RAPH1: variants seen among roughly 807,000 people sequenced by gnomAD.
The protein encoded by RAPH1 is ras-associated and pleckstrin homology domains-containing protein 1.
Under a neutral mutation model 88.1 loss-of-function variants are expected in RAPH1, and 18 were observed. The ratio of observed to expected loss-of-function variants is 0.20; its 90% CI spans 0.14 to 0.30. RAPH1 has a LOEUF of 0.30. RAPH1 is among the 10% of genes least tolerant of loss of function. The pLI, the probability that RAPH1 is intolerant of heterozygous loss-of-function variation, is 1.00. For missense variants in RAPH1, 1,448 were observed against 1,543.2 expected (o/e 0.94, Z 1.03); for synonymous variants, 587 against 559.0 (o/e 1.05, Z -0.71).
At chr2:203,470,773 C>T in intron 4 of RAPH1, among the ~76,000 whole-genome samples, 1 of 152,144 alleles carries the variant, frequency 6.6e-6, no homozygotes, top group East Asian at 1.9e-4. Flanking sequence ...AAAAGCTTAT[C>T]CAAGTATTTC....
chr2:203,531,176 C>T (rs1371034696), intron 1 of RAPH1, among the ~76,000 whole-genome samples: 1 of 151,946 alleles, frequency 6.6e-6, no homozygotes, highest in Non-Finnish European at 1.5e-5. Flanking sequence ...TGGCTACAGC[C>T]TCTTGGATAT....
intron 4 of RAPH1, among the ~76,000 whole-genome samples, chr2:203,483,555 G>C (rs897159075): frequency 6.6e-6 from 1 of 152,180 alleles, no homozygotes; most frequent in Non-Finnish European, 1.5e-5. Context: ...TTAAATTTGA[G>C]CAATCTATTT....
At chr2:203,491,389 G>A (rs999166302) in intron 2 of RAPH1, 70 bp from the exon 3 acceptor site, 23 of 1,075,268 alleles carry the variant, frequency 2.1e-5, no homozygotes, top group African/African-American at 3.2e-5. Flanking sequence ...GATGAAGTTT[G>A]TTTTATGATT....
In RAPH1 at chr2:203,506,837, T is replaced by TATAG. The variant is rs1689073318; in HGVS notation, c.1-11485_1-11484insCTAT. Among the ~76,000 whole-genome samples the TATAG allele has an allele frequency of 9.3e-5, 2 of 21,404 alleles. 1 individual carries two copies. Among genetic ancestry groups the TATAG allele is most frequent in the Non-Finnish European group, 2.1e-4 (2 of 9,346 alleles). 14.0% of individuals were successfully genotyped at this position (21,404 alleles called of 152,430 possible). A position where few individuals can be genotyped will look rare whatever the true frequency, so the allele number is the denominator to read the frequency against. The stretch of plus-strand genomic sequence containing the variant: ...CTATATATCTATATATATATCTATA[T>TATAG]CTATATATCTATCTATATCTATATA... On this transcript the variant is annotated intron_variant, in intron 1 of 13. Transcript: ENST00000319170.
In RAPH1 at chr2:203,489,757, G is replaced by C. The variant is rs1487548461; in HGVS notation, c.559C>G (p.His187Asp). ...EDTKPLVTNQ[H>D]RRTASAGTVS... ...GTGCCTGCTGACGCGGTTCTTCTGT[G>C]CTGATTAGTTACTAAGGGTTTAGTA... Residue 187 changes from histidine to aspartate, a missense_variant, in exon 4 of 14, where the codon CAC becomes GAC. Physicochemically the swap from His to Asp is moderately conservative, Grantham distance 81. Transcript: ENST00000319170. 6.2e-7 allele frequency: 1 copy of C among 1,614,154 alleles called. No individual in the cohort carries two copies. Among genetic ancestry groups the C allele is most frequent in the East Asian group, 2.2e-5 (1 of 44,878 alleles).
chr2:203,480,841 G>C (rs1298632540), intron 4 of RAPH1, among the ~76,000 whole-genome samples: 2 of 152,170 alleles, frequency 1.3e-5, no homozygotes, highest in East Asian at 1.9e-4. Context: ...CCTGGTGCTA[G>C]AGTGCCTGGG....
chr2:203,506,875 T>G lies in RAPH1; in HGVS notation c.1-11522A>C, dbSNP rs369335873. On this transcript the variant is annotated intron_variant, in intron 1 of 13. Coordinates refer to ENST00000319170, the MANE Select transcript of RAPH1 (RefSeq NM_213589.3). ...CTATATCTATATATATATATATATA[T>G]ATATAGATATATATATATATATATT... Among the ~76,000 whole-genome samples, 148 of 99,950 alleles carry G rather than the reference T, an allele frequency of 1.5e-3. 10 individuals carry two copies. The highest frequency in any genetic ancestry group is 7.0e-3 in the East Asian group (30 of 4,312). 65.6% of individuals were successfully genotyped at this position (99,950 alleles called of 152,430 possible). A position where few individuals can be genotyped will look rare whatever the true frequency, so the allele number is the denominator to read the frequency against.
At chr2:203,496,178 G>T (rs897432060) in intron 1 of RAPH1, among the ~76,000 whole-genome samples, 3 of 152,004 alleles carry the variant, frequency 2.0e-5, no homozygotes, top group South Asian at 2.1e-4. Flanking sequence ...GGCCAACATG[G>T]CAAAACCCCG....
chr2:203,520,023 C>T (rs939992380), intron 1 of RAPH1, among the ~76,000 whole-genome samples: 7 of 152,072 alleles, frequency 4.6e-5, no homozygotes, highest in Non-Finnish European at 7.4e-5. Context: ...ATAGTTTCCA[C>T]GGATTAAAAA....
Position 203,455,590 on chromosome 2 carries a change from CAA to C in RAPH1, c.1159-12_1159-11del. On this transcript the variant is annotated splice_polypyrimidine_tract_variant and intron_variant, in intron 8 of 13. Coordinates refer to ENST00000319170, the MANE Select transcript of RAPH1 (RefSeq NM_213589.3). ...TTCCACAAAAACATTCCTAAAATAACAAGATTATTTGCAAAGACTTATGATCG... is the reference window on the plus strand; with the variant it reads ...TTCCACAAAAACATTCCTAAAATAACGATTATTTGCAAAGACTTATGATCG... 6.2e-7 allele frequency: 1 copy of C among 1,610,072 alleles called. No individual in the cohort carries two copies. The highest frequency in any genetic ancestry group is 1.3e-5 in the African/African-American group (1 of 74,842).
Position 203,444,964 on chromosome 2 carries a change from G to A in RAPH1, c.1680C>T (p.Asp560=). The change falls in exon 13 of 14, where the codon GAC becomes GAT. Residue 560 remains aspartate, a synonymous_variant. Coordinates refer to ENST00000319170, the MANE Select transcript of RAPH1 (RefSeq NM_213589.3). ...HSNQSDSGVS[D]TQPAGHVRSQ... ...AACGGACGTGTCCTGCTGGCTGGGT[G>A]TCAGAAACTCCGCTATCAGACTGAT... The A allele has an allele frequency of 6.2e-7, 1 of 1,614,134 alleles. No individual in the cohort carries two copies. Among genetic ancestry groups the A allele is most frequent in the Non-Finnish European group, 8.5e-7 (1 of 1,179,994 alleles).
intron 1 of RAPH1, among the ~76,000 whole-genome samples, chr2:203,502,864 C>T (rs1377884453): frequency 6.8e-6 from 1 of 146,970 alleles, no homozygotes; most frequent in Non-Finnish European, 1.5e-5. Flanking sequence ...GTGAACCAGG[C>T]CGGGCACAGT....
chr2:203,527,571 G>A (rs979835853), intron 1 of RAPH1, among the ~76,000 whole-genome samples: 2 of 151,974 alleles, frequency 1.3e-5, no homozygotes, highest in African/African-American at 4.8e-5. Flanking sequence ...GGCTGAGGTG[G>A]GCGGATCACC....
intron 1 of RAPH1, among the ~76,000 whole-genome samples, chr2:203,529,005 ATTT>A (rs66832810): frequency 7.3e-4 from 30 of 41,130 alleles, no homozygotes; most frequent in East Asian, 1.0e-3. Flanking sequence ...ATATATATAT[ATTT>A]TTTTTTTTTT....
chr2:203,510,391 A>G (rs1331883572), intron 1 of RAPH1, among the ~76,000 whole-genome samples: 1 of 151,442 alleles, frequency 6.6e-6, no homozygotes, highest in Non-Finnish European at 1.5e-5. Flanking sequence ...GGTAATAGGA[A>G]GTAATCCCTT....
intron 4 of RAPH1, among the ~76,000 whole-genome samples, chr2:203,466,433 G>A (rs1012317639): frequency 6.6e-6 from 1 of 152,166 alleles, no homozygotes; most frequent in African/African-American, 2.4e-5. Context: ...CTCATGGGGT[G>A]TTGTATAATA....
At chr2:203,528,882 A>T (rs1353680477) in intron 1 of RAPH1, among the ~76,000 whole-genome samples, 1 of 150,782 alleles carries the variant, frequency 6.6e-6, no homozygotes, top group African/African-American at 2.4e-5. Flanking sequence ...TATAAAGTAA[A>T]CATTATTGGA....
At position 203,435,220 on chromosome 2, in the gene RAPH1, A is replaced by G. The variant is rs2098497475; in HGVS notation, c.*4217T>C. Reference sequence around the variant, plus strand: ...TTTTATTTGAGGGATAAAGGTGTAGAAATTTTCTCTTTGAATTTTATAAGG... The same window carrying G: ...TTTTATTTGAGGGATAAAGGTGTAGGAATTTTCTCTTTGAATTTTATAAGG... On this transcript the variant is annotated 3_prime_UTR_variant, in exon 14 of 14. Coordinates refer to ENST00000319170, the MANE Select transcript of RAPH1 (RefSeq NM_213589.3). 6.6e-6 allele frequency: 1 copy of G among 152,082 alleles called. No individual in the cohort carries two copies. The highest frequency in any genetic ancestry group is 6.6e-5 in the Admixed American group (1 of 15,262). The allele number at this position is 152,082 out of a possible 1,614,324, so 9.4% of individuals were successfully genotyped here.
chr2:203,439,064 T>C lies in RAPH1; in HGVS notation c.*373A>G, dbSNP rs2098500758. ...TGGACAGACACTTATAAATACCTTC[T>C]AAATAAGTGATTAGAAGTTTTTGGT... On this transcript the variant is annotated 3_prime_UTR_variant, in exon 14 of 14. Coordinates refer to ENST00000319170, the MANE Select transcript of RAPH1 (RefSeq NM_213589.3). 5.2e-6 allele frequency: 1 copy of C among 193,028 alleles called. No homozygotes were observed. The highest frequency in any genetic ancestry group is 1.1e-5 in the Non-Finnish European group (1 of 91,354). 12.0% of individuals were successfully genotyped at this position (193,028 alleles called of 1,614,324 possible).
Sources: gnomAD v4.1 joint callset for allele counts (sites outside exome capture counted in the v4.1 genomes callset) on GRCh38, gnomAD v4.1.1 for gene constraint, MANE v1.5 for transcripts, NCBI Gene and HGNC (gene_info 2026-07-23, HGNC 2026-07-21) for gene names.